The following IGF2BP3 variants were observed in gnomAD, a reference collection of about 807,000 sequenced individuals.
The protein encoded by IGF2BP3 is insulin like growth factor 2 mRNA binding protein 3.
In IGF2BP3, 9 loss-of-function variants were observed where a neutral mutation model predicts 73.8. The observed-to-expected ratio is 0.12, with a 90% CI of 0.07 to 0.21. The LOEUF is 0.21. IGF2BP3 is among the 10% of genes least tolerant of loss of function. The probability of loss-of-function intolerance (pLI) is 1.00; values close to 1 mark genes in which losing one functional copy is unlikely to be tolerated. For synonymous variants in IGF2BP3, 258 were observed against 256.7 expected (o/e 1.01, Z -0.05); for missense variants, 542 against 714.0 (o/e 0.76, Z 2.75).
intron 2 of IGF2BP3, among the ~76,000 whole-genome samples, chr7:23,438,186 C>A (rs1345182917): frequency 6.6e-6 from 1 of 152,224 alleles, no homozygotes; most frequent in Non-Finnish European, 1.5e-5. Flanking sequence ...GTGCCACGAT[C>A]TCGGCTCACT....
intron 3 of IGF2BP3, among the ~76,000 whole-genome samples, chr7:23,364,499 G>A (rs142754349): frequency 0.038 from 5,004 of 131,430 alleles, 291 homozygotes; most frequent in African/African-American, 0.13. Context: ...AGTGAGCTGA[G>A]AGCACGCCAC....
rs116861896 is a variant in IGF2BP3 at position 23,449,667 on chromosome 7, C to T, written c.236+18815G>A. 8.3e-3 allele frequency among the ~76,000 whole-genome samples: 1,234 copies of T among 149,360 alleles called. 12 individuals are homozygous for T. Among genetic ancestry groups the T allele is most frequent in the Non-Finnish European group, 0.012 (796 of 67,668 alleles). ...CCGCCTCCCAGGCTGAAGGGATTCT[C>T]GTGCCTCAGCCTCCTGAGTAGCTGG... is the stretch of plus-strand genomic sequence containing the variant. On this transcript the variant is annotated intron_variant, in intron 2 of 14. Transcript: ENST00000258729.
At chr7:23,339,397 C>A (rs929969243) in intron 10 of IGF2BP3, among the ~76,000 whole-genome samples, 1 of 152,170 alleles carries the variant, frequency 6.6e-6, no homozygotes, top group East Asian at 1.9e-4. Context: ...ATTTTTCTAA[C>A]ATAGGAACCT....
intron 10 of IGF2BP3, among the ~76,000 whole-genome samples, chr7:23,339,851 A>T (rs756579713): frequency 2.0e-5 from 3 of 152,212 alleles, no homozygotes; most frequent in Non-Finnish European, 4.4e-5. Flanking sequence ...GCCCTAAACC[A>T]ATCCTATGAC....
At chr7:23,431,856 T>C (rs190876927) in intron 2 of IGF2BP3, among the ~76,000 whole-genome samples, 1,632 of 151,880 alleles carry the variant, frequency 0.011, 22 homozygotes, top group African/African-American at 0.038. Context: ...CTCTCTCTCT[T>C]ATGGATTGGT....
At position 23,386,071 on chromosome 7, in the gene IGF2BP3, T is replaced by C. The variant is rs1026399759; in HGVS notation, c.286-24330A>G. On this transcript the variant is annotated intron_variant, in intron 3 of 14. Coordinates refer to ENST00000258729, the MANE Select transcript of IGF2BP3 (RefSeq NM_006547.3). ...AATTATCTGATAGAGAGAGGTGGGA[T>C]AGATATAGAGAAAATGAGATTGGCC... is the stretch of plus-strand genomic sequence containing the variant. 1.4e-4 allele frequency among the ~76,000 whole-genome samples: 21 copies of C among 152,344 alleles called. 1 individual carries two copies. Among genetic ancestry groups the C allele is most frequent in the African/African-American group, 4.6e-4 (19 of 41,592 alleles).
At chr7:23,434,723 T>C (rs1787767434) in intron 2 of IGF2BP3, among the ~76,000 whole-genome samples, 1 of 152,212 alleles carries the variant, frequency 6.6e-6, no homozygotes, top group Non-Finnish European at 1.5e-5. Context: ...AATGCAATGC[T>C]ACGTTACCAG....
chr7:23,368,623 C>T (rs1266710588), intron 3 of IGF2BP3, among the ~76,000 whole-genome samples: 4 of 152,066 alleles, frequency 2.6e-5, no homozygotes, highest in Non-Finnish European at 5.9e-5. Flanking sequence ...CTAGGCCGGG[C>T]GCGGTGGCTC....
At chr7:23,370,959 G>GT (rs1346574081) in intron 3 of IGF2BP3, among the ~76,000 whole-genome samples, 1 of 152,126 alleles carries the variant, frequency 6.6e-6, no homozygotes, top group African/African-American at 2.4e-5. Flanking sequence ...GATTACAGGC[G>GT]TGAGTCACTG....
chr7:23,332,240 T>G (rs1321683473), intron 10 of IGF2BP3, among the ~76,000 whole-genome samples: 1 of 152,224 alleles, frequency 6.6e-6, no homozygotes, highest in Non-Finnish European at 1.5e-5. Flanking sequence ...CCCCATCATG[T>G]ACCTCTTATT....
chr7:23,396,718 A>C (rs2128523581), intron 3 of IGF2BP3, among the ~76,000 whole-genome samples: 1 of 152,288 alleles, frequency 6.6e-6, no homozygotes, highest in South Asian at 2.1e-4. Flanking sequence ...AAAAAAGAGC[A>C]AATGGATTCT....
At chr7:23,373,290 G>A (rs1026245314) in intron 3 of IGF2BP3, among the ~76,000 whole-genome samples, 5 of 152,158 alleles carry the variant, frequency 3.3e-5, no homozygotes, top group Non-Finnish European at 5.9e-5. Flanking sequence ...AATGTTAGGT[G>A]GTTTTTGAAC....
chr7:23,397,590 G>C (rs1178839128), intron 3 of IGF2BP3, among the ~76,000 whole-genome samples: 2 of 152,126 alleles, frequency 1.3e-5, no homozygotes, highest in Non-Finnish European at 2.9e-5. Flanking sequence ...CTTCTATCTT[G>C]TCATCTCATA....
chr7:23,454,767 A>G (rs748285164), intron 2 of IGF2BP3, among the ~76,000 whole-genome samples: 2 of 152,200 alleles, frequency 1.3e-5, no homozygotes, highest in Non-Finnish European at 2.9e-5. Context: ...AGGTAGTAGT[A>G]CGTGCACACA....
At position 23,312,281 on chromosome 7, in the gene IGF2BP3, G is replaced by C; in HGVS notation, c.*81C>G. On this transcript the variant is annotated 3_prime_UTR_variant, in exon 15 of 15. Coordinates refer to ENST00000258729, the MANE Select transcript of IGF2BP3 (RefSeq NM_006547.3). ...AAACTTGTGCATGTGATTCTGGATAGGGGGTCAGCGCCCATCTGTTGGTTA... is the reference window on the plus strand; with the variant it reads ...AAACTTGTGCATGTGATTCTGGATACGGGGTCAGCGCCCATCTGTTGGTTA... 2 of 1,018,346 alleles carry C rather than the reference G, an allele frequency of 2.0e-6. No homozygotes were observed. Among genetic ancestry groups the C allele is most frequent in the Non-Finnish European group, 3.1e-6 (2 of 648,416 alleles). The allele number at this position is 1,018,346 out of a possible 1,614,324, so 63.1% of individuals were successfully genotyped here. A position where few individuals can be genotyped will look rare whatever the true frequency, so the allele number is the denominator to read the frequency against.
rs1409660171 is a variant in IGF2BP3 at position 23,441,054 on chromosome 7, A to G, written c.237-22230T>C. The stretch of plus-strand genomic sequence containing the variant: ...TTAGTTGCAGAATCCTACAAGCAGA[A>G]AAGAATAGCAAATAATATACTTGAA... On this transcript the variant is annotated intron_variant, in intron 2 of 14. Coordinates refer to ENST00000258729, the MANE Select transcript of IGF2BP3 (RefSeq NM_006547.3). Among the ~76,000 whole-genome samples the G allele has an allele frequency of 2.6e-5, 4 of 152,162 alleles. No individual in the cohort carries two copies. In the East Asian group the frequency reaches 7.7e-4, roughly 29 times the overall value.
intron 7 of IGF2BP3, 63 bp downstream of exon 7, chr7:23,347,537 A>T: frequency 6.5e-7 from 1 of 1,549,908 alleles, no homozygotes; most frequent in Non-Finnish European, 8.8e-7. Flanking sequence ...ATTGTGTCAG[A>T]GATGTCAAAA....
At chr7:23,398,236 A>G (rs1366017613) in intron 3 of IGF2BP3, among the ~76,000 whole-genome samples, 5 of 152,198 alleles carry the variant, frequency 3.3e-5, no homozygotes, top group Non-Finnish European at 7.3e-5. Flanking sequence ...TACAAAGGAC[A>G]TGAACTCATC....
At chr7:23,464,270 A>G (rs530676215) in intron 2 of IGF2BP3, among the ~76,000 whole-genome samples, 3 of 152,356 alleles carry the variant, frequency 2.0e-5, no homozygotes, top group East Asian at 1.9e-4. Context: ...GATGACTTTT[A>G]TAAGTTCTAT....
Sources: allele counts gnomAD v4.1 joint callset (sites outside exome capture counted in the v4.1 genomes callset), GRCh38; gene constraint gnomAD v4.1.1; transcripts MANE v1.5; gene names NCBI Gene and HGNC (gene_info 2026-07-23, HGNC 2026-07-21).